The following SS18 variants were observed in gnomAD, a reference collection of about 807,000 sequenced individuals.
The protein encoded by SS18 is protein SSXT.
A neutral mutation model predicts 72.5 loss-of-function variants in SS18; 28 were observed. The ratio of observed to expected loss-of-function variants is 0.39; its 90% CI spans 0.29 to 0.53. The LOEUF is 0.53. Ranked by LOEUF, SS18 falls within the 20% of genes least tolerant of loss-of-function variation. SS18 has a pLI of 0.76. For missense variants in SS18, 518 were observed against 535.3 expected, an observed-to-expected ratio of 0.97 and a Z score of 0.32; for synonymous variants, 172 against 164.2, an observed-to-expected ratio of 1.05 and a Z score of -0.37.
intron 4 of SS18, among the ~76,000 whole-genome samples, chr18:26,055,499 G>C (rs1598574975): frequency 6.6e-6 from 1 of 151,910 alleles, no homozygotes; most frequent in Non-Finnish European, 1.5e-5. Flanking sequence ...TTTAAAAAAG[G>C]GAACCTGAGA....
chr18:26,087,674 C>T (rs2054640472), intron 1 of SS18, 97 bp from the exon 2 acceptor site: 3 of 696,932 alleles, frequency 4.3e-6, no homozygotes, highest in African/African-American at 1.8e-5. Flanking sequence ...GTAAATACTG[C>T]TTGTACAAGA....
chr18:26,021,364 C>T (rs2053346857), intron 10 of SS18, among the ~76,000 whole-genome samples: 1 of 152,172 alleles, frequency 6.6e-6, no homozygotes, highest in Non-Finnish European at 1.5e-5. Flanking sequence ...CTGTGAACTA[C>T]TCAAGTACTC....
At chr18:26,037,320 A>C (rs2143868886) in intron 7 of SS18, among the ~76,000 whole-genome samples, 1 of 152,266 alleles carries the variant, frequency 6.6e-6, no homozygotes, top group South Asian at 2.1e-4. Flanking sequence ...ACAATGTCAA[A>C]TTTAATTCTT....
intron 10 of SS18, among the ~76,000 whole-genome samples, chr18:26,029,139 G>A (rs962237722): frequency 1.3e-5 from 2 of 152,184 alleles, no homozygotes; most frequent in African/African-American, 4.8e-5. Context: ...AAACTCACTT[G>A]ATGCATGTAA....
chr18:26,016,467 A>C lies in SS18; in HGVS notation c.*1887T>G. The C allele has an allele frequency of 5.5e-6, 1 of 181,370 alleles. No individual in the cohort carries two copies. The highest frequency in any genetic ancestry group is 1.2e-5 in the Non-Finnish European group (1 of 84,794). The allele number at this position is 181,370 out of a possible 1,614,324, so 11.2% of individuals were successfully genotyped here. On this transcript the variant is annotated 3_prime_UTR_variant, in exon 11 of 11. Coordinates refer to ENST00000415083, the MANE Select transcript of SS18 (RefSeq NM_001007559.3). ...GCCAGGCACGGTGGCTCACGCCTGT[A>C]ATCCCAGCACTTTGGAAGGCCGAGG...
chr18:26,073,749 T>C (rs1035291899), intron 3 of SS18, among the ~76,000 whole-genome samples: 2 of 152,146 alleles, frequency 1.3e-5, no homozygotes, highest in Non-Finnish European at 2.9e-5. Flanking sequence ...AAATATTCAG[T>C]GACAAAATGG....
intron 10 of SS18, among the ~76,000 whole-genome samples, chr18:26,028,498 C>G (rs2053489477): frequency 6.6e-6 from 1 of 152,226 alleles, no homozygotes; most frequent in Admixed American, 6.5e-5. Context: ...AGGGACTTGT[C>G]CATGAATGTT....
chr18:26,079,640 T>C (rs1185739872), intron 2 of SS18, among the ~76,000 whole-genome samples: 3 of 152,164 alleles, frequency 2.0e-5, no homozygotes, highest in African/African-American at 7.2e-5. Flanking sequence ...GAGCGTGCAG[T>C]GGCGTAATCA....
Position 26,017,917 on chromosome 18 carries a change from CAT to C in SS18, c.*435_*436del. On this transcript the variant is annotated 3_prime_UTR_variant, in exon 11 of 11. Transcript: ENST00000415083. ...AGTGTACCGCCTTGCATATTCACCA[CAT>C]GAAATAAACATAATATACAAAATAT... 1 of 237,506 alleles carries C rather than the reference CAT, an allele frequency of 4.2e-6. No individual in the cohort carries two copies. The highest frequency in any genetic ancestry group is 8.3e-6 in the Non-Finnish European group (1 of 120,790). The allele number at this position is 237,506 out of a possible 1,614,324, so 14.7% of individuals were successfully genotyped here.
chr18:26,080,518 C>T, intron 2 of SS18: 1 of 271,162 alleles, frequency 3.7e-6, no homozygotes, highest in Non-Finnish European at 5.6e-6. Flanking sequence ...CTTAAGGTCT[C>T]ATATGTAAAA....
intron 4 of SS18, among the ~76,000 whole-genome samples, chr18:26,053,796 G>A (rs999612164): frequency 6.6e-6 from 1 of 152,144 alleles, no homozygotes. Context: ...TCAAAAGTTC[G>A]ATCTAACTAT....
chr18:26,044,462 T>C lies in SS18; in HGVS notation c.608-5006A>G, dbSNP rs140015834. Reference sequence around the variant, plus strand: ...CCTCAGCCACCCGAGAAGCTGAGACTGCAGTTGCACACCACCACGTCCGGC... The same window carrying C: ...CCTCAGCCACCCGAGAAGCTGAGACCGCAGTTGCACACCACCACGTCCGGC... On this transcript the variant is annotated intron_variant, in intron 5 of 10. Transcript: ENST00000415083. Among the ~76,000 whole-genome samples, 238 of 151,660 alleles carry C rather than the reference T, an allele frequency of 1.6e-3. 5 individuals are homozygous for C. The East Asian group carries it at 0.03, about 19-fold the overall frequency.
chr18:26,046,871 T>C (rs1317418014), intron 5 of SS18, among the ~76,000 whole-genome samples: 2 of 152,196 alleles, frequency 1.3e-5, no homozygotes, highest in Non-Finnish European at 2.9e-5. Flanking sequence ...CATCCATCAC[T>C]TATCATGACA....
chr18:26,082,511 G>T, intron 2 of SS18: 1 of 985,086 alleles, frequency 1.0e-6, no homozygotes, highest in Non-Finnish European at 1.2e-6. Context: ...TGCAACTCTG[G>T]AATAGTTTGG....
chr18:26,090,590 C>G lies in SS18; in HGVS notation c.-21G>C, dbSNP rs747956652. On this transcript the variant is annotated 5_prime_UTR_variant, in exon 1 of 11. Coordinates refer to ENST00000415083, the MANE Select transcript of SS18 (RefSeq NM_001007559.3). ...GACATGTTGCCGCCGTCACCACTATCGGCAAGTCCCGAGCGCTCCGGGTGA... is the reference window on the plus strand; with the variant it reads ...GACATGTTGCCGCCGTCACCACTATGGGCAAGTCCCGAGCGCTCCGGGTGA... The G allele has an allele frequency of 3.2e-6, 5 of 1,564,368 alleles. No homozygotes were observed. The East Asian group carries it at 1.2e-4, about 38-fold the overall frequency.
intron 3 of SS18, among the ~76,000 whole-genome samples, chr18:26,069,745 A>G (rs2054281633): frequency 6.6e-6 from 1 of 152,198 alleles, no homozygotes; most frequent in Admixed American, 6.5e-5. Context: ...AGAAAGAACT[A>G]TTTTCTCCCC....
intron 6 of SS18, 69 bp downstream of exon 6, chr18:26,039,219 AT>A: frequency 1.8e-6 from 2 of 1,134,836 alleles, no homozygotes; most frequent in Non-Finnish European, 2.5e-6. Context: ...CTTTGTCTAG[AT>A]TAAAAGGTCA....
rs187813828 is a variant in SS18 at position 26,088,919 on chromosome 18, G to A, written c.70-1342C>T. Among the ~76,000 whole-genome samples, 310 of 151,816 alleles carry A rather than the reference G, an allele frequency of 2.0e-3. 1 individual carries two copies. Among genetic ancestry groups the A allele is most frequent in the African/African-American group, 7.3e-3 (304 of 41,398 alleles). ...CCACTAACATGATCTGCTAATAAAT[G>A]CAGTTATTTCTTAAATAGAACCATT... is the stretch of plus-strand genomic sequence containing the variant. On this transcript the variant is annotated intron_variant, in intron 1 of 10. Coordinates refer to ENST00000415083, the MANE Select transcript of SS18 (RefSeq NM_001007559.3).
chr18:26,055,658 A>T (rs2054004810), intron 4 of SS18, among the ~76,000 whole-genome samples: 2 of 152,184 alleles, frequency 1.3e-5, no homozygotes, highest in African/African-American at 4.8e-5. Flanking sequence ...AAATGCTATA[A>T]GGAACAAATA....
Sources: gnomAD v4.1 joint callset for allele counts (sites outside exome capture counted in the v4.1 genomes callset) on GRCh38, gnomAD v4.1.1 for gene constraint, MANE v1.5 for transcripts, NCBI Gene and HGNC (gene_info 2026-07-23, HGNC 2026-07-21) for gene names.